The following SVIL variants were observed in gnomAD, a reference collection of about 807,000 sequenced individuals.
The protein encoded by SVIL is archvillin.
Under a neutral mutation model 240.4 loss-of-function variants are expected in SVIL, and 101 were observed. The ratio of observed to expected loss-of-function variants is 0.42; its 90% CI spans 0.36 to 0.50. SVIL has a LOEUF of 0.50. SVIL is among the 20% of genes least tolerant of loss of function. SVIL has a pLI of 0.01. For missense variants in SVIL, 2,512 were observed against 2,818.7 expected (o/e 0.89, Z 2.46); for synonymous variants, 999 against 1,100.0 (o/e 0.91, Z 1.82).
chr10:29,717,157 C>T (rs889164549), intron 1 of SVIL, among the ~76,000 whole-genome samples: 1 of 139,954 alleles, frequency 7.1e-6, no homozygotes, highest in Non-Finnish European at 1.5e-5. Context: ...GGCGTGAACC[C>T]GGGAGGCGGA....
intron 6 of SVIL, among the ~76,000 whole-genome samples, chr10:29,543,034 C>T (rs1952308322): frequency 6.6e-6 from 1 of 152,156 alleles, no homozygotes; most frequent in Non-Finnish European, 1.5e-5. Context: ...AGTCTAAACA[C>T]CACAGAAAGT....
At chr10:29,543,001 T>C (rs780932424) in intron 6 of SVIL, among the ~76,000 whole-genome samples, 9 of 152,164 alleles carry the variant, frequency 5.9e-5, no homozygotes, top group Non-Finnish European at 1.3e-4. Flanking sequence ...CACGATATGA[T>C]AATGAGAGCA....
At chr10:29,666,530 G>A (rs377579304) in intron 2 of SVIL, among the ~76,000 whole-genome samples, 2 of 152,158 alleles carry the variant, frequency 1.3e-5, no homozygotes, top group Non-Finnish European at 1.5e-5. Context: ...TCGTACAGAC[G>A]ACCCGTGAGC....
At chr10:29,702,328 A>G (rs1168714234) in intron 1 of SVIL, among the ~76,000 whole-genome samples, 1 of 134,750 alleles carries the variant, frequency 7.4e-6, no homozygotes, top group Non-Finnish European at 1.6e-5. Flanking sequence ...AAAAAAATCC[A>G]CATTCAACAG....
chr10:29,631,355 G>A (rs1376352437), intron 1 of SVIL, among the ~76,000 whole-genome samples: 6 of 152,230 alleles, frequency 3.9e-5, no homozygotes, highest in Non-Finnish European at 5.9e-5. Context: ...AAGAGATGGC[G>A]AGGCGAGGCC....
At chr10:29,656,617 C>G (rs888110514) in intron 3 of SVIL, among the ~76,000 whole-genome samples, 1 of 152,184 alleles carries the variant, frequency 6.6e-6, no homozygotes, top group African/African-American at 2.4e-5. Context: ...AGATCACATC[C>G]AGACAATAAA....
upstream of SVIL, among the ~76,000 whole-genome samples, chr10:29,635,422 T>C (rs1958275151): frequency 6.6e-6 from 1 of 152,192 alleles, no homozygotes. Context: ...CCTCTGTGGA[T>C]TTCTTCCCAC....
At chr10:29,527,127 A>G in intron 12 of SVIL, 71 bp from the exon 13 acceptor site, 2 of 1,350,282 alleles carry the variant, frequency 1.5e-6, no homozygotes, top group Non-Finnish European at 1.0e-6. Flanking sequence ...AGGACAGCAT[A>G]GTTTTAAATT....
chr10:29,474,154 CAGG>C (rs981127982), intron 29 of SVIL, among the ~76,000 whole-genome samples, 165 bp from the exon 30 acceptor site: 2 of 152,162 alleles, frequency 1.3e-5, no homozygotes, highest in African/African-American at 2.4e-5. Context: ...TGGTCACGCC[CAGG>C]AGAAGAGAAA....
chr10:29,672,405 T>C (rs1431586817), intron 2 of SVIL, among the ~76,000 whole-genome samples: 1 of 151,962 alleles, frequency 6.6e-6, no homozygotes. Context: ...GCATAGGAGG[T>C]TGAGGCTGCA....
intron 1 of SVIL, among the ~76,000 whole-genome samples, chr10:29,579,759 C>T (rs1955858158): frequency 6.6e-6 from 1 of 152,130 alleles, no homozygotes; most frequent in Non-Finnish European, 1.5e-5. Context: ...TGGGGGCCAT[C>T]ATCCTGGGGG....
intron 17 of SVIL, among the ~76,000 whole-genome samples, chr10:29,503,288 G>A (rs1205654297): frequency 2.0e-5 from 3 of 152,128 alleles, no homozygotes; most frequent in African/African-American, 7.2e-5. Flanking sequence ...ACAGGTTAAG[G>A]CTCAGACCTC....
Position 29,484,762 on chromosome 10 carries a change from T to G in SVIL, c.4849A>C (p.Lys1617Gln). The G allele has an allele frequency of 6.2e-7, 1 of 1,614,052 alleles. No individual in the cohort carries two copies. Among genetic ancestry groups the G allele is most frequent in the Non-Finnish European group, 8.5e-7 (1 of 1,179,984 alleles). Residue 1617 changes from lysine to glutamine, a missense_variant, in exon 27 of 38, where the codon AAA (lysine) becomes CAA (glutamine). Coordinates refer to ENST00000355867, the MANE Select transcript of SVIL (RefSeq NM_021738.3). This position sits in a 1 kb window ranked among gnomAD's most constrained non-coding sequence, Gnocchi z 4.7. ...TGCTTTGCCAGCTGAAATGCTATTT[T>G]TCGTTGTGCTAATGTGACTTCTTTC... The part of the protein sequence containing the change: ...HGKEVTLAQR[K>Q]IAFQLAKHLW...
intron 6 of SVIL, among the ~76,000 whole-genome samples, chr10:29,539,196 T>TAAATAAAC (rs1320762560): frequency 3.6e-4 from 54 of 151,050 alleles, no homozygotes; most frequent in African/African-American, 1.0e-3. Flanking sequence ...AATAAATAAA[T>TAAATAAAC]AAACAAACAA....
chr10:29,566,909 T>G lies in SVIL; in HGVS notation c.-143+2346A>C, dbSNP rs540904603. Among the ~76,000 whole-genome samples, 3 of 152,332 alleles carry G rather than the reference T, an allele frequency of 2.0e-5. No individual in the cohort carries two copies. The East Asian group carries it at 5.8e-4, about 29-fold the overall frequency. On this transcript the variant is annotated intron_variant, in intron 2 of 37. Transcript: ENST00000355867. Reference sequence around the variant, plus strand: ...TCTGCAGGGTCAACCTCTGCAGGCCTTGGTGTCTCACTAGAGCTCAACCAA... The same window carrying G: ...TCTGCAGGGTCAACCTCTGCAGGCCGTGGTGTCTCACTAGAGCTCAACCAA...
chr10:29,654,453 C>T (rs1014962004), intron 3 of SVIL, among the ~76,000 whole-genome samples: 5 of 152,114 alleles, frequency 3.3e-5, no homozygotes, highest in Admixed American at 2.0e-4. Context: ...TTTCTATAAA[C>T]AAGATCACGC....
At chr10:29,519,257 T>G (rs936470044) in intron 16 of SVIL, among the ~76,000 whole-genome samples, 1 of 152,178 alleles carries the variant, frequency 6.6e-6, no homozygotes, top group African/African-American at 2.4e-5. Context: ...GGTTGGCTGC[T>G]CTAACACTAA....
intron 2 of SVIL, among the ~76,000 whole-genome samples, chr10:29,672,241 T>G (rs2133060448): frequency 6.6e-6 from 1 of 152,316 alleles, no homozygotes; most frequent in African/African-American, 2.4e-5. Flanking sequence ...CCAGTGGCAA[T>G]GTTGAATAAT....
At chr10:29,578,819 A>C (rs1437159296) in intron 1 of SVIL, among the ~76,000 whole-genome samples, 1 of 152,130 alleles carries the variant, frequency 6.6e-6, no homozygotes, top group Non-Finnish European at 1.5e-5. Flanking sequence ...TCTATCCTTA[A>C]ATTTCTCCCA....
Sources: allele counts gnomAD v4.1 joint callset (sites outside exome capture counted in the v4.1 genomes callset), GRCh38; gene constraint gnomAD v4.1.1; non-coding constraint Gnocchi (gnomAD v3.1); transcripts MANE v1.5; gene names NCBI Gene and HGNC (gene_info 2026-07-23, HGNC 2026-07-21).